The following PDE11A variants were observed in gnomAD, a reference collection of about 807,000 sequenced individuals.
PDE11A encodes dual 3',5'-cyclic-AMP and -GMP phosphodiesterase 11A.
PDE11A carries 100 observed loss-of-function variants against 100.5 expected under a neutral mutation model. The ratio of observed to expected loss-of-function variants is 1.00; its 90% CI spans 0.85 to 1.18. The LOEUF is 1.18. Among genes scored for constraint, PDE11A ranks in the 50% most tolerant of loss-of-function variants. PDE11A has a pLI of 0.00. For synonymous variants in PDE11A, 381 were observed against 420.8 expected (o/e 0.91, Z 1.16); for missense variants, 1,141 against 1,152.6 (o/e 0.99, Z 0.15).
At chr2:177,761,501 G>A (rs576546512) in intron 10 of PDE11A, among the ~76,000 whole-genome samples, 1 of 152,302 alleles carries the variant, frequency 6.6e-6, no homozygotes, top group Non-Finnish European at 1.5e-5. Flanking sequence ...TACCAAATGA[G>A]TAAGTCAAGG....
chr2:177,663,849 C>T lies in PDE11A; in HGVS notation c.2646+17G>A. ...CTGATTCAGTCAGAACATGTAGGCC[C>T]TCCCAAATCAAAGTACCTGATACAA... On this transcript the variant is annotated intron_variant, in intron 19 of 19. Transcript: ENST00000286063. 2.1e-6 allele frequency: 3 copies of T among 1,400,948 alleles called. No homozygotes were observed. The highest frequency in any genetic ancestry group is 3.0e-6 in the Non-Finnish European group (3 of 985,456). 86.8% of individuals were successfully genotyped at this position (1,400,948 alleles called of 1,614,324 possible). A position where few individuals can be genotyped will look rare whatever the true frequency, so the allele number is the denominator to read the frequency against.
chr2:177,995,647 C>CCCG (rs1559036127), intron 2 of PDE11A, among the ~76,000 whole-genome samples: 2 of 26,542 alleles, frequency 7.5e-5, no homozygotes, highest in Non-Finnish European at 2.7e-4. Flanking sequence ...ACAAACACCA[C>CCCG]CCACCCCGCA....
At chr2:177,838,709 C>T (rs377385658) in intron 6 of PDE11A, among the ~76,000 whole-genome samples, 1 of 152,292 alleles carries the variant, frequency 6.6e-6, no homozygotes. Flanking sequence ...ACTAACTTCT[C>T]TGATATAAAA....
intron 3 of PDE11A, among the ~76,000 whole-genome samples, chr2:177,899,834 T>C (rs1460445834): frequency 1.3e-5 from 2 of 150,880 alleles, no homozygotes; most frequent in South Asian, 4.2e-4. Flanking sequence ...CAAGAGGAAA[T>C]ACTGCTTTAT....
rs549275764 is a variant in PDE11A at position 177,720,386 on chromosome 2, T to G, written c.2043+7272A>C. ...TTTGTCAATCAGAGACAGTGTGTGA[T>G]GAAAGCATAAGGGGAAGAACAGGTA... is the stretch of plus-strand genomic sequence containing the variant. On this transcript the variant is annotated intron_variant, in intron 12 of 19. Coordinates refer to ENST00000286063, the MANE Select transcript of PDE11A (RefSeq NM_016953.4). 5.3e-5 allele frequency among the ~76,000 whole-genome samples: 8 copies of G among 152,234 alleles called. No homozygotes were observed. The South Asian group carries it at 1.7e-3, about 32-fold the overall frequency.
Position 177,816,882 on chromosome 2 carries a change from T to C in PDE11A, c.1684A>G (p.Ile562Val). 1.2e-6 allele frequency: 2 copies of C among 1,611,464 alleles called. No individual in the cohort carries two copies. Among genetic ancestry groups the C allele is most frequent in the Non-Finnish European group, 1.7e-6 (2 of 1,177,682 alleles). ...IFCGLGINNT[I>V]MYDQVKKSWA... ...GACTTCTTCACTTGATCATACATAA[T>C]TGTGTTGTTGATGCCAAGTCCACAA... is the stretch of plus-strand genomic sequence containing the variant. Residue 562 changes from isoleucine to valine, a missense_variant, in exon 9 of 20, where the codon ATT becomes GTT. Ile to Val is a conservative substitution (Grantham distance 29). Transcript: ENST00000286063.
intron 2 of PDE11A, among the ~76,000 whole-genome samples, chr2:177,941,330 T>G (rs750125841): frequency 1.3e-5 from 2 of 152,098 alleles, no homozygotes; most frequent in Non-Finnish European, 2.9e-5. Context: ...GAGGACCCCT[T>G]TATCAGTTAA....
intron 5 of PDE11A, among the ~76,000 whole-genome samples, chr2:177,875,529 C>A (rs575523800): frequency 6.6e-6 from 1 of 151,084 alleles, no homozygotes; most frequent in South Asian, 2.1e-4. Context: ...AGGCACCCGC[C>A]ACCATGCCCG....
chr2:177,689,420 A>G (rs1274300360), intron 15 of PDE11A, among the ~76,000 whole-genome samples: 1 of 152,152 alleles, frequency 6.6e-6, no homozygotes, highest in African/African-American at 2.4e-5. Context: ...GTTGTCAGGC[A>G]GGGGTTGCAG....
chr2:177,871,869 G>T (rs910571805), intron 5 of PDE11A, among the ~76,000 whole-genome samples: 1 of 152,020 alleles, frequency 6.6e-6, no homozygotes, highest in Non-Finnish European at 1.5e-5. Context: ...TCTAAAAAAA[G>T]AAATCTTAGA....
intron 2 of PDE11A, among the ~76,000 whole-genome samples, chr2:177,986,739 G>A (rs2085944327): frequency 6.6e-6 from 1 of 151,694 alleles, no homozygotes. Flanking sequence ...GCTGAGGCAG[G>A]AGAATCGCTT....
At chr2:177,851,015 A>T (rs2083691301) in intron 5 of PDE11A, among the ~76,000 whole-genome samples, 1 of 152,344 alleles carries the variant, frequency 6.6e-6, no homozygotes, top group African/African-American at 2.4e-5. Flanking sequence ...ATACCATTTG[A>T]CCCAGCCATC....
chr2:178,056,490 A>C (rs2086901043), intron 1 of PDE11A, among the ~76,000 whole-genome samples: 2 of 152,210 alleles, frequency 1.3e-5, no homozygotes, highest in South Asian at 4.1e-4. Flanking sequence ...GTTTAAATAC[A>C]AATTTCCCTG....
intron 10 of PDE11A, among the ~76,000 whole-genome samples, chr2:177,740,061 C>T (rs6756240): frequency 0.72 from 108,888 of 152,146 alleles, 40,325 homozygotes; most frequent in East Asian, 0.86. Flanking sequence ...TTTTAATCTG[C>T]TCTTTGACTT....
chr2:178,082,403 T>A (rs909582680), intron 2 of PDE11A, among the ~76,000 whole-genome samples: 1 of 152,200 alleles, frequency 6.6e-6, no homozygotes, highest in Non-Finnish European at 1.5e-5. Context: ...AAACCTTTTT[T>A]AAAAACCATA....
At chr2:177,663,134 T>A (rs1169066326) in intron 19 of PDE11A, among the ~76,000 whole-genome samples, 2 of 151,602 alleles carry the variant, frequency 1.3e-5, no homozygotes, top group East Asian at 3.8e-4. Flanking sequence ...CAATGTACAA[T>A]AAACTGTTAG....
intron 2 of PDE11A, among the ~76,000 whole-genome samples, chr2:178,082,683 C>G (rs1164097725): frequency 3.3e-5 from 5 of 152,110 alleles, no homozygotes; most frequent in Non-Finnish European, 7.4e-5. Context: ...GTGGGGCCCA[C>G]GTACAAAAAA....
intron 5 of PDE11A, among the ~76,000 whole-genome samples, chr2:177,875,354 T>C (rs1447759584): frequency 3.3e-5 from 5 of 152,060 alleles, no homozygotes; most frequent in African/African-American, 1.2e-4. Flanking sequence ...TAGATGTATA[T>C]GCATTTATTT....
chr2:177,913,524 A>G (rs1474220400), intron 2 of PDE11A, among the ~76,000 whole-genome samples: 1 of 152,042 alleles, frequency 6.6e-6, no homozygotes, highest in Non-Finnish European at 1.5e-5. Context: ...CTGTCCCACT[A>G]CCCACTCCCT....
Sources: gnomAD v4.1 joint callset for allele counts (sites outside exome capture counted in the v4.1 genomes callset) on GRCh38, gnomAD v4.1.1 for gene constraint, MANE v1.5 for transcripts, NCBI Gene and HGNC (gene_info 2026-07-23, HGNC 2026-07-21) for gene names.